MEGF10: variants seen among roughly 807,000 people sequenced by gnomAD.
The protein encoded by MEGF10 is multiple EGF like domains 10, also known as multiple epidermal growth factor-like domains protein 10.
Under a neutral mutation model 147.5 loss-of-function variants are expected in MEGF10, and 86 were observed. That is an observed-to-expected ratio of 0.58 (90% confidence interval 0.49 to 0.70). The LOEUF (loss-of-function observed/expected upper bound fraction) is 0.70, where lower values mean the gene tolerates loss of function less well. MEGF10 is among the 30% of genes least tolerant of loss of function. The pLI is 0.00. For synonymous variants in MEGF10, 478 were observed against 525.5 expected, an observed-to-expected ratio of 0.91 and a Z score of 1.24; for missense variants, 1,329 against 1,487.3, an observed-to-expected ratio of 0.89 and a Z score of 1.75.
chr5:127,307,379 C>G (rs1474205078), intron 1 of MEGF10, among the ~76,000 whole-genome samples: 1 of 152,180 alleles, frequency 6.6e-6, no homozygotes, highest in Non-Finnish European at 1.5e-5. Context: ...GGGCAGGGTT[C>G]ATCACTGGCA....
At chr5:127,296,008 A>G (rs1368766417) in intron 1 of MEGF10, among the ~76,000 whole-genome samples, 1 of 152,254 alleles carries the variant, frequency 6.6e-6, no homozygotes, top group African/African-American at 2.4e-5. Flanking sequence ...CATTCTTCAT[A>G]TCTGAATGTC....
chr5:127,315,998 T>C (rs1405672987), intron 1 of MEGF10, among the ~76,000 whole-genome samples: 2 of 152,256 alleles, frequency 1.3e-5, no homozygotes, highest in African/African-American at 2.4e-5. Flanking sequence ...TTGTTCTTTC[T>C]GGTGAAGTTT....
At chr5:127,335,024 G>T (rs1314784044) in intron 2 of MEGF10, among the ~76,000 whole-genome samples, 2 of 152,038 alleles carry the variant, frequency 1.3e-5, no homozygotes, top group Non-Finnish European at 2.9e-5. Context: ...TCTTGCTGGG[G>T]TTTCTCCCCA....
chr5:127,443,833 T>C (rs554317381), intron 19 of MEGF10, among the ~76,000 whole-genome samples: 1 of 152,370 alleles, frequency 6.6e-6, no homozygotes, highest in East Asian at 1.9e-4. Context: ...TACCTGTTCA[T>C]GTGCTGATGG....
intron 12 of MEGF10, 143 bp downstream of exon 12, chr5:127,420,350 G>C: frequency 1.1e-6 from 1 of 879,344 alleles, no homozygotes; most frequent in Non-Finnish European, 1.7e-6. Context: ...CAGGTATTTG[G>C]ATTCAAATTG....
the MEGF10 span, among the ~76,000 whole-genome samples, chr5:127,275,896 A>G: frequency 6.6e-6 from 1 of 152,124 alleles, no homozygotes; most frequent in East Asian, 1.9e-4. Context: ...TGTGAATCAT[A>G]TTTGTCATAG....
chr5:127,318,416 C>T (rs147026426), intron 1 of MEGF10, among the ~76,000 whole-genome samples: 2 of 152,260 alleles, frequency 1.3e-5, no homozygotes, highest in Non-Finnish European at 2.9e-5. Context: ...ATTTCCTCAT[C>T]CCTGATAGAA....
chr5:127,420,352 T>C, intron 12 of MEGF10, 145 bp downstream of exon 12: 2 of 874,486 alleles, frequency 2.3e-6, no homozygotes, highest in South Asian at 1.9e-5. Context: ...GGTATTTGGA[T>C]TCAAATTGGA....
At chr5:127,416,204 T>G (rs1016563817) in intron 9 of MEGF10, among the ~76,000 whole-genome samples, 2 of 151,782 alleles carry the variant, frequency 1.3e-5, no homozygotes. Context: ...ATTTTTTGTG[T>G]TTTTTAGTAG....
rs1357140192 is a variant in MEGF10, at chr5:127,457,139, A to C, written c.3244A>C (p.Ser1082Arg). The C allele has an allele frequency of 2.5e-6, 4 of 1,611,980 alleles. No homozygotes were observed. The Admixed American group carries it at 6.7e-5, about 27-fold the overall frequency. Residue 1082 changes from serine (S) to arginine (R), a missense_variant, in exon 25 of 25, where the codon AGT (serine) becomes CGT (arginine). Transcript: ENST00000503335. ...CTTGGTTATCACAGAACCTACAGTG[A>C]GTGTTGTCCAAGGAGTATTCAGCAA... ...RNVYEVEPTV[S>R]VVQGVFSNNG...
Position 127,315,864 on chromosome 5 carries a change from A to G in MEGF10, c.-18-15427A>G, listed in dbSNP as rs61512582. On this transcript the variant is annotated intron_variant, in intron 1 of 24. Transcript: ENST00000503335. ...ATCACTTTGTAATAAAAATCTTTTT[A>G]TTTTCTAAAGTGTGCTAATCTAACA... Among the ~76,000 whole-genome samples the G allele has an allele frequency of 9.1e-3, 1,385 of 152,270 alleles. 14 individuals carry two copies. Among genetic ancestry groups the G allele is most frequent in the African/African-American group, 0.028 (1,179 of 41,558 alleles).
chr5:127,267,255 C>CAGCA, the MEGF10 span, among the ~76,000 whole-genome samples: 1 of 152,170 alleles, frequency 6.6e-6, no homozygotes, highest in Non-Finnish European at 1.5e-5. Flanking sequence ...ACCAGCCTTG[C>CAGCA]ATCCCAGGGA....
Position 127,308,462 on chromosome 5 carries a change from G to A in MEGF10, c.-19+17406G>A, listed in dbSNP as rs946592563. 5.3e-5 allele frequency among the ~76,000 whole-genome samples: 8 copies of A among 152,170 alleles called. No individual in the cohort carries two copies. In the East Asian group the frequency reaches 5.8e-4, roughly 11 times the overall value. On this transcript the variant is annotated intron_variant, in intron 1 of 24. Transcript: ENST00000503335. Reference sequence around the variant, plus strand: ...GCACAGTGGCTGCGAAATGCTTGACGCCCTTTTGGTTTCCGTGTACTTAAA... The same window carrying A: ...GCACAGTGGCTGCGAAATGCTTGACACCCTTTTGGTTTCCGTGTACTTAAA...
At chr5:127,391,157 CAT>C (rs1421249451) in intron 5 of MEGF10, among the ~76,000 whole-genome samples, 2,258 of 31,730 alleles carry the variant, frequency 0.071, 71 homozygotes, top group Non-Finnish European at 0.19. Context: ...CACACACATA[CAT>C]GCTTATTTCT....
chr5:127,421,674 C>T (rs1231123205), intron 12 of MEGF10, among the ~76,000 whole-genome samples: 1 of 152,044 alleles, frequency 6.6e-6, no homozygotes, highest in Non-Finnish European at 1.5e-5. Flanking sequence ...GACTGTGAGT[C>T]AGGATATTTT....
chr5:127,371,414 A>G (rs1281008369), intron 5 of MEGF10, among the ~76,000 whole-genome samples: 4 of 152,026 alleles, frequency 2.6e-5, no homozygotes, highest in African/African-American at 4.8e-5. Flanking sequence ...TGGCCGACTG[A>G]CCTCAAATGT....
the MEGF10 span, among the ~76,000 whole-genome samples, chr5:127,284,712 A>G: frequency 6.6e-6 from 1 of 152,214 alleles, no homozygotes; most frequent in Non-Finnish European, 1.5e-5. Flanking sequence ...TGCCATACTT[A>G]TGAGTTTACA....
intron 22 of MEGF10, among the ~76,000 whole-genome samples, chr5:127,452,931 G>T (rs892237695): frequency 6.6e-6 from 1 of 152,192 alleles, no homozygotes; most frequent in African/African-American, 2.4e-5. Flanking sequence ...ATGCAAGAGA[G>T]TGTGCCTGAG....
At chr5:127,329,381 C>A (rs182547265) in intron 1 of MEGF10, among the ~76,000 whole-genome samples, 23 of 152,034 alleles carry the variant, frequency 1.5e-4, no homozygotes, top group African/African-American at 5.5e-4. Flanking sequence ...CAAACATTTT[C>A]TTTTAGCCTT....
Sources: allele counts gnomAD v4.1 joint callset (sites outside exome capture counted in the v4.1 genomes callset), GRCh38; gene constraint gnomAD v4.1.1; transcripts MANE v1.5; gene names NCBI Gene and HGNC (gene_info 2026-07-23, HGNC 2026-07-21).